BANP: variants seen among roughly 807,000 people sequenced by gnomAD.
The protein encoded by BANP is BTG3 associated nuclear protein, also known as protein BANP.
A neutral mutation model predicts 68.1 loss-of-function variants in BANP; 11 were observed. That is an observed-to-expected ratio of 0.16 (90% confidence interval 0.10 to 0.27). BANP has a LOEUF of 0.27. Among genes scored for constraint, BANP ranks in the 10% least tolerant of loss-of-function variants. The pLI is 1.00. For missense variants in BANP, 504 were observed against 722.7 expected (o/e 0.70, Z 3.47); for synonymous variants, 329 against 303.2 (o/e 1.09, Z -0.88).
intron 1 of BANP, among the ~76,000 whole-genome samples, chr16:87,953,634 C>T (rs143186915): frequency 2.2e-4 from 34 of 152,326 alleles, no homozygotes; most frequent in African/African-American, 7.7e-4. Context: ...GTTCTCTTCA[C>T]GGACAAATTG....
At chr16:87,954,054 G>C (rs1245485776) in intron 1 of BANP, among the ~76,000 whole-genome samples, 1 of 152,100 alleles carries the variant, frequency 6.6e-6, no homozygotes, top group Admixed American at 6.6e-5. Flanking sequence ...TTGTCCTTCA[G>C]CTCTGGGAAG....
chr16:87,978,626 G>C, intron 2 of BANP: 1 of 470,244 alleles, frequency 2.1e-6, no homozygotes, highest in Non-Finnish European at 4.4e-6. Flanking sequence ...TGAGGCCGAA[G>C]GCATAGCCGT....
At position 87,967,158 on chromosome 16, in the gene BANP, A is replaced by G. The variant is rs574920732; in HGVS notation, c.-68-7890A>G. Among the ~76,000 whole-genome samples the G allele has an allele frequency of 3.3e-5, 5 of 151,842 alleles. No individual in the cohort carries two copies. In the East Asian group the frequency reaches 7.8e-4, roughly 24 times the overall value. ...CTCTTCCGTGAGCTCTGGGGAGAGC[A>G]GGTACTGGCACCGGCAGCTAGGACT... On this transcript the variant is annotated intron_variant, in intron 1 of 13. Coordinates refer to ENST00000682872, the MANE Select transcript of BANP (RefSeq NM_001386991.1).
chr16:88,072,445 G>A (rs1035962089), intron 13 of BANP, among the ~76,000 whole-genome samples: 4 of 152,248 alleles, frequency 2.6e-5, no homozygotes, highest in African/African-American at 7.2e-5. Flanking sequence ...AGACTGTCTT[G>A]TGGAAATGTT....
Position 88,067,902 on chromosome 16 carries a change from T to C in BANP, c.1377+2570T>C, listed in dbSNP as rs922032423. Among the ~76,000 whole-genome samples, 4 of 152,344 alleles carry C rather than the reference T, an allele frequency of 2.6e-5. No individual in the cohort carries two copies. In the East Asian group the frequency reaches 7.7e-4, roughly 29 times the overall value. ...CGGCTGAGCCTTGCCTTCCCGCAGT[T>C]ACACGTTGCACGGGGCCTCCCCGTA... On this transcript the variant is annotated intron_variant, in intron 12 of 13. Transcript: ENST00000682872.
chr16:88,025,150 G>C (rs1268989785), intron 7 of BANP, among the ~76,000 whole-genome samples: 1 of 152,146 alleles, frequency 6.6e-6, no homozygotes, highest in Non-Finnish European at 1.5e-5. Flanking sequence ...TTGCCCTCCC[G>C]GTGGCAGCAG....
In BANP at chr16:87,982,362, C is replaced by G. The variant is rs191725279; in HGVS notation, c.162+1235C>G. ...TATAAGAGTGATTTTTCCCAAAACC[C>G]CAGGCAGAATCATTTGTAATTCAGA... On this transcript the variant is annotated intron_variant, in intron 3 of 13. Coordinates refer to ENST00000682872, the MANE Select transcript of BANP (RefSeq NM_001386991.1). Among the ~76,000 whole-genome samples, 536 of 152,254 alleles carry G rather than the reference C, an allele frequency of 3.5e-3. 2 individuals are homozygous for G. Among genetic ancestry groups the G allele is most frequent in the Non-Finnish European group, 6.4e-3 (437 of 68,018 alleles).
intron 2 of BANP, chr16:87,978,691 A>G (rs2062674221): frequency 2.1e-6 from 1 of 468,930 alleles, no homozygotes; most frequent in Non-Finnish European, 4.4e-6. Flanking sequence ...GGGACTATCC[A>G]GGTTAATAGC....
Position 88,076,928 on chromosome 16 carries a change from C to T in BANP, c.*267C>T, listed in dbSNP as rs144377121. 1.8e-3 allele frequency: 783 copies of T among 428,420 alleles called. 5 individuals are homozygous for T. Among genetic ancestry groups the T allele is most frequent in the African/African-American group, 0.014 (701 of 49,382 alleles). The allele number at this position is 428,420 out of a possible 1,614,324, so 26.5% of individuals were successfully genotyped here. ...CGGTGCGGAGAGCGTCGCATATGCG[C>T]GGGAAATCAAGAACTATGATATTTT... On this transcript the variant is annotated 3_prime_UTR_variant, in exon 14 of 14. Coordinates refer to ENST00000682872, the MANE Select transcript of BANP (RefSeq NM_001386991.1).
At chr16:88,023,698 T>C (rs1355166078) in intron 7 of BANP, among the ~76,000 whole-genome samples, 1 of 152,074 alleles carries the variant, frequency 6.6e-6, no homozygotes, top group Admixed American at 6.6e-5. Flanking sequence ...GCCCCACAGA[T>C]GGAGAGCTGG....
rs780714183 is a variant in BANP, at chr16:88,018,609, G to A, written c.837G>A (p.Ser279=). ...HREVQAVSNL[S]GQGKHGKKQL... is the part of the protein sequence containing the mutation. ...AGGTGCAGGCTGTGTCCAACCTCTC[G>A]GGGCAGGGCAAGCACGGGAAGAAGC... Residue 279 remains serine, a synonymous_variant, in exon 7 of 14, where the codon TCG becomes TCA. Coordinates refer to ENST00000682872, the MANE Select transcript of BANP (RefSeq NM_001386991.1). The surrounding 1 kb of genome is among the most constrained non-coding windows in gnomAD (Gnocchi z 7.7). The A allele has an allele frequency of 1.8e-5, 28 of 1,589,854 alleles. No individual in the cohort carries two copies. In the South Asian group the frequency reaches 1.8e-4, roughly 10 times the overall value.
intron 11 of BANP, among the ~76,000 whole-genome samples, chr16:88,043,991 G>A (rs959655049): frequency 1.3e-5 from 2 of 152,152 alleles, no homozygotes; most frequent in Admixed American, 1.3e-4. Context: ...TTTTTATGAG[G>A]TCATGGGAAC....
intron 7 of BANP, among the ~76,000 whole-genome samples, chr16:88,024,628 A>C (rs2076629069): frequency 6.6e-6 from 1 of 152,196 alleles, no homozygotes; most frequent in African/African-American, 2.4e-5. Flanking sequence ...CTGCACCCGT[A>C]AGTGCATGTT....
At chr16:87,967,198 G>A (rs1192514220) in intron 1 of BANP, among the ~76,000 whole-genome samples, 2 of 152,146 alleles carry the variant, frequency 1.3e-5, no homozygotes, top group African/African-American at 4.8e-5. Context: ...GGGATTAGGG[G>A]AGCCTCAGAA....
intron 7 of BANP, among the ~76,000 whole-genome samples, chr16:88,021,490 C>CT (rs1262190070): frequency 6.6e-6 from 1 of 152,194 alleles, no homozygotes; most frequent in Admixed American, 6.5e-5. Context: ...GTGGAGGGGC[C>CT]TGGAGCAACT....
chr16:88,044,607 G>A (rs1412543241), intron 11 of BANP, among the ~76,000 whole-genome samples: 2 of 152,218 alleles, frequency 1.3e-5, no homozygotes, highest in Non-Finnish European at 2.9e-5. Context: ...TTAAGAGTTT[G>A]TAGTTCTAAA....
At position 87,998,019 on chromosome 16, in the gene BANP, T is replaced by C. The variant is rs150978977; in HGVS notation, c.363-6276T>C. On this transcript the variant is annotated intron_variant, in intron 4 of 13. Coordinates refer to ENST00000682872, the MANE Select transcript of BANP (RefSeq NM_001386991.1). Reference sequence around the variant, plus strand: ...GCATCCTGCTCGGTGGATTCTGCTCTGGGTCGGGATTCTCAGTCTTTGCTT... The same window carrying C: ...GCATCCTGCTCGGTGGATTCTGCTCCGGGTCGGGATTCTCAGTCTTTGCTT... Among the ~76,000 whole-genome samples the C allele has an allele frequency of 2.4e-3, 372 of 152,336 alleles. 4 individuals carry two copies. The highest frequency in any genetic ancestry group is 0.022 in the East Asian group (114 of 5,184).
intron 13 of BANP, among the ~76,000 whole-genome samples, chr16:88,075,191 C>G (rs558774618): frequency 6.6e-6 from 1 of 152,202 alleles, no homozygotes; most frequent in Non-Finnish European, 1.5e-5. Context: ...ACTAAAAATA[C>G]AAAAATTAGC....
chr16:88,024,530 A>G (rs1428322654), intron 7 of BANP, among the ~76,000 whole-genome samples: 1 of 152,264 alleles, frequency 6.6e-6, no homozygotes, highest in Non-Finnish European at 1.5e-5. Flanking sequence ...CAGTGCTGTC[A>G]GAAAAGGTAA....
Sources: allele counts gnomAD v4.1 joint callset (sites outside exome capture counted in the v4.1 genomes callset), GRCh38; gene constraint gnomAD v4.1.1; non-coding constraint Gnocchi (gnomAD v3.1); transcripts MANE v1.5; gene names NCBI Gene and HGNC (gene_info 2026-07-23, HGNC 2026-07-21).